The following CPNE4 variants were observed in gnomAD, a reference collection of about 807,000 sequenced individuals.
The protein encoded by CPNE4 is copine-4.
A neutral mutation model predicts 67.9 loss-of-function variants in CPNE4; 25 were observed. The observed-to-expected ratio is 0.37, with a 90% CI of 0.27 to 0.51. The LOEUF (loss-of-function observed/expected upper bound fraction) is 0.51. CPNE4 is among the 20% of genes least tolerant of loss of function. The probability of loss-of-function intolerance (pLI) is 0.93; values close to 1 mark genes in which losing one functional copy is unlikely to be tolerated. For synonymous variants in CPNE4, 242 were observed against 244.9 expected (o/e 0.99, Z 0.11); for missense variants, 464 against 690.8 (o/e 0.67, Z 3.68).
intron 2 of CPNE4, among the ~76,000 whole-genome samples, chr3:131,835,770 T>C (rs1019790799): frequency 1.3e-5 from 2 of 152,088 alleles, no homozygotes; most frequent in Non-Finnish European, 2.9e-5. Flanking sequence ...AACCTACCCC[T>C]TCCTGAGGTG....
chr3:131,772,433 G>A (rs1348954381), intron 2 of CPNE4, among the ~76,000 whole-genome samples: 4 of 152,160 alleles, frequency 2.6e-5, no homozygotes, highest in Non-Finnish European at 2.9e-5. Context: ...GAATGTGTGA[G>A]CTATGAGGCA....
At chr3:131,877,270 A>G (rs1184806085) in intron 2 of CPNE4, among the ~76,000 whole-genome samples, 3 of 152,146 alleles carry the variant, frequency 2.0e-5, no homozygotes, top group Non-Finnish European at 4.4e-5. Flanking sequence ...TAAAATGTCG[A>G]TACATTTGGC....
intron 7 of CPNE4, among the ~76,000 whole-genome samples, chr3:131,601,291 G>A (rs1995422): frequency 0.98 from 149,980 of 152,284 alleles, 73,864 homozygotes; most frequent in Middle Eastern, 1. Context: ...ACACACACAC[G>A]TTTTTTTATC....
intron 1 of CPNE4, among the ~76,000 whole-genome samples, chr3:132,032,561 T>G (rs1234109868): frequency 6.6e-6 from 1 of 152,220 alleles, no homozygotes; most frequent in Admixed American, 6.5e-5. Flanking sequence ...TGAGAGATAG[T>G]TGAGAAAATG....
chr3:131,902,072 G>T (rs1376808265), intron 2 of CPNE4, among the ~76,000 whole-genome samples: 1 of 92,170 alleles, frequency 1.1e-5, no homozygotes, highest in African/African-American at 4.1e-5. Flanking sequence ...CATGCACTTT[G>T]GTTTTATTAT....
At chr3:131,865,390 T>C (rs916515420) in intron 2 of CPNE4, among the ~76,000 whole-genome samples, 1 of 145,652 alleles carries the variant, frequency 6.9e-6, no homozygotes, top group Non-Finnish European at 1.5e-5. Flanking sequence ...TATTAGTCCT[T>C]TTAAAAATGC....
intron 3 of CPNE4, among the ~76,000 whole-genome samples, chr3:131,717,900 T>C (rs1583072503): frequency 9.0e-6 from 1 of 110,846 alleles, no homozygotes; most frequent in Non-Finnish European, 2.1e-5. Flanking sequence ...CTTTCTTTCT[T>C]TCTTTCTTTC....
At chr3:131,712,055 A>T (rs190659078) in intron 3 of CPNE4, among the ~76,000 whole-genome samples, 46 of 152,316 alleles carry the variant, frequency 3.0e-4, no homozygotes, top group African/African-American at 1.1e-3. Context: ...CCCCAAAAGG[A>T]TTTCCTGTAA....
intron 1 of CPNE4, among the ~76,000 whole-genome samples, chr3:131,985,354 G>T (rs1273922856): frequency 3.9e-5 from 6 of 152,114 alleles, no homozygotes; most frequent in Non-Finnish European, 8.8e-5. Context: ...TCCTTGTCTT[G>T]GAGTCTGCTC....
At chr3:131,599,798 A>G (rs1939100254) in intron 7 of CPNE4, among the ~76,000 whole-genome samples, 1 of 152,190 alleles carries the variant, frequency 6.6e-6, no homozygotes, top group Non-Finnish European at 1.5e-5. Context: ...GGGGTGAGGC[A>G]CAGCTAAGTA....
At chr3:131,778,077 G>A (rs1308451263) in intron 2 of CPNE4, among the ~76,000 whole-genome samples, 1 of 152,064 alleles carries the variant, frequency 6.6e-6, no homozygotes, top group Non-Finnish European at 1.5e-5. Flanking sequence ...GCCTGCCTTG[G>A]TCTTGCCCTT....
chr3:131,719,017 C>T (rs1303472972), intron 3 of CPNE4, among the ~76,000 whole-genome samples: 1 of 152,214 alleles, frequency 6.6e-6, no homozygotes, highest in African/African-American at 2.4e-5. Flanking sequence ...CCAACCCCAC[C>T]AATCACCTGG....
intron 2 of CPNE4, among the ~76,000 whole-genome samples, chr3:131,772,414 G>C (rs1430948083): frequency 1.3e-5 from 2 of 152,164 alleles, no homozygotes; most frequent in Non-Finnish European, 2.9e-5. Flanking sequence ...CTGTCAGACA[G>C]TGTGTACAGA....
At chr3:131,837,965 C>T (rs896801686) in intron 2 of CPNE4, among the ~76,000 whole-genome samples, 1 of 151,838 alleles carries the variant, frequency 6.6e-6, no homozygotes, top group Non-Finnish European at 1.5e-5. Context: ...AGTAAGTTTA[C>T]AGAGTTGCAA....
chr3:132,000,878 A>C (rs989012884), intron 1 of CPNE4, among the ~76,000 whole-genome samples: 2 of 151,770 alleles, frequency 1.3e-5, no homozygotes, highest in Admixed American at 6.6e-5. Flanking sequence ...GAAAATGGAT[A>C]ATACATTATA....
intron 2 of CPNE4, among the ~76,000 whole-genome samples, chr3:131,840,696 AG>A (rs1248637145): frequency 6.6e-6 from 1 of 152,156 alleles, no homozygotes; most frequent in East Asian, 1.9e-4. Flanking sequence ...ATCCCCATAT[AG>A]GCTTCTAGAA....
intron 6 of CPNE4, among the ~76,000 whole-genome samples, chr3:131,681,703 G>T (rs2080760737): frequency 6.6e-6 from 1 of 151,930 alleles, no homozygotes; most frequent in South Asian, 2.1e-4. Context: ...TTATCCCTTT[G>T]AATAAACTTT....
chr3:131,704,695 T>TTGTCATTTAATGATCATTTATGAAA (rs1393681004), intron 3 of CPNE4, among the ~76,000 whole-genome samples: 2 of 152,318 alleles, frequency 1.3e-5, no homozygotes, highest in African/African-American at 4.8e-5. Context: ...AACTCATTTC[T>TTGTCATTTAATGATCATTTATGAAA]TGTCATTTAA....
chr3:131,796,769 A>C (rs1428895897), intron 2 of CPNE4, among the ~76,000 whole-genome samples: 1 of 152,134 alleles, frequency 6.6e-6, no homozygotes, highest in African/African-American at 2.4e-5. Context: ...AAATGAACAG[A>C]AACCTCCCAC....
Sources: gnomAD v4.1 joint callset for allele counts (sites outside exome capture counted in the v4.1 genomes callset) on GRCh38, gnomAD v4.1.1 for gene constraint, MANE v1.5 for transcripts, NCBI Gene and HGNC (gene_info 2026-07-23, HGNC 2026-07-21) for gene names.